CRADD: variants seen among roughly 807,000 people sequenced by gnomAD.
CRADD encodes the protein CARD and death domain containing adaptor protein.
CRADD carries 9 observed loss-of-function variants against 15.5 expected under a neutral mutation model. That is an observed-to-expected ratio of 0.58 (90% CI 0.35 to 1.01). The LOEUF is 1.01. Among genes scored for constraint, CRADD ranks in the 50% least tolerant of loss-of-function variants. The pLI, the probability that CRADD is intolerant of heterozygous loss-of-function variation, is 0.02. For synonymous variants in CRADD, 118 were observed against 107.6 expected, an observed-to-expected ratio of 1.10 and a Z score of -0.60; for missense variants, 227 against 250.3, an observed-to-expected ratio of 0.91 and a Z score of 0.63.
intron 2 of CRADD, among the ~76,000 whole-genome samples, chr12:93,776,717 G>C (rs1957144408): frequency 6.6e-6 from 1 of 152,172 alleles, no homozygotes; most frequent in Non-Finnish European, 1.5e-5. Context: ...ATACAATGGA[G>C]TATTATTCAG....
At chr12:93,851,835 A>G (rs754296352), downstream of CRADD, among the ~76,000 whole-genome samples, 4 of 152,230 alleles carry the variant, frequency 2.6e-5, no homozygotes, top group Non-Finnish European at 4.4e-5. Context: ...ATTTCTCTCC[A>G]TTCCAAGAAT....
intron 2 of CRADD, among the ~76,000 whole-genome samples, chr12:93,758,862 A>C (rs942096796): frequency 6.6e-6 from 1 of 152,204 alleles, no homozygotes; most frequent in Non-Finnish European, 1.5e-5. Context: ...ATTATAAGAA[A>C]CAGAAGTATG....
chr12:93,735,613 A>G (rs1232494431), intron 2 of CRADD: 1 of 152,196 alleles, frequency 6.6e-6, no homozygotes, highest in Non-Finnish European at 1.5e-5. Flanking sequence ...AGAAATAGGA[A>G]AAGTCAGTCG....
intron 2 of CRADD, among the ~76,000 whole-genome samples, chr12:93,681,257 G>A (rs1419284781): frequency 1.3e-5 from 2 of 152,178 alleles, no homozygotes; most frequent in African/African-American, 4.8e-5. Flanking sequence ...AATGATGAGA[G>A]TTACAGAGAA....
chr12:93,853,603 A>G (rs1400858129), downstream of CRADD, among the ~76,000 whole-genome samples: 3 of 152,070 alleles, frequency 2.0e-5, no homozygotes, highest in African/African-American at 4.8e-5. Context: ...CCCTCTATGC[A>G]CTCTTATATC....
intron 2 of CRADD, among the ~76,000 whole-genome samples, chr12:93,743,686 A>G (rs898335010): frequency 6.6e-6 from 1 of 152,142 alleles, no homozygotes; most frequent in Non-Finnish European, 1.5e-5. Flanking sequence ...GACCGTGATG[A>G]GTGTTCTCTT....
At chr12:93,816,681 G>A (rs184237610) in intron 2 of CRADD, among the ~76,000 whole-genome samples, 122 of 152,308 alleles carry the variant, frequency 8.0e-4, no homozygotes, top group Middle Eastern at 3.4e-3. Flanking sequence ...ATATTGGGTA[G>A]TGCGGCTCTA....
intron 2 of CRADD, among the ~76,000 whole-genome samples, chr12:93,802,028 T>G (rs1184273677): frequency 6.6e-6 from 1 of 152,240 alleles, no homozygotes; most frequent in Non-Finnish European, 1.5e-5. Flanking sequence ...ATTATTTCAT[T>G]CCTTTTTATG....
chr12:93,845,181 G>A (rs1958098926), intron 2 of CRADD, among the ~76,000 whole-genome samples: 1 of 152,110 alleles, frequency 6.6e-6, no homozygotes. Context: ...CAGGCCTCAT[G>A]ACTCCTGCCT....
intron 2 of CRADD, among the ~76,000 whole-genome samples, chr12:93,747,102 T>A (rs538518021): frequency 1.3e-5 from 2 of 152,326 alleles, no homozygotes; most frequent in East Asian, 3.9e-4. Flanking sequence ...ACACTTTTTT[T>A]AAAATAAAAA....
At chr12:93,715,632 T>A (rs537659144) in intron 2 of CRADD, among the ~76,000 whole-genome samples, 15 of 152,212 alleles carry the variant, frequency 9.9e-5, no homozygotes, top group East Asian at 7.7e-4. Flanking sequence ...AATAGAAATT[T>A]AAAAAAATTT....
At chr12:93,860,710 A>C (rs989643167) in intron 2 of CRADD, among the ~76,000 whole-genome samples, 2 of 152,210 alleles carry the variant, frequency 1.3e-5, no homozygotes, top group Non-Finnish European at 2.9e-5. Context: ...ATAATTAATC[A>C]GGAGGACATT....
At chr12:93,775,863 A>G (rs570173209) in intron 2 of CRADD, among the ~76,000 whole-genome samples, 157 of 152,300 alleles carry the variant, frequency 1.0e-3, no homozygotes, top group Non-Finnish European at 2.0e-3. Context: ...GATTCACAGT[A>G]GGGTTTCAGA....
intron 2 of CRADD, among the ~76,000 whole-genome samples, chr12:93,712,892 AT>A (rs796733065): frequency 1.3e-3 from 191 of 150,028 alleles, no homozygotes; most frequent in African/African-American, 4.4e-3. Flanking sequence ...AAATGAATTG[AT>A]TTTTTTTTTC....
In CRADD at chr12:93,819,603, AAT is replaced by A. The variant is rs1459222961; in HGVS notation, c.299-30364_299-30363del. Among the ~76,000 whole-genome samples, 3 of 152,254 alleles carry A rather than the reference AAT, an allele frequency of 2.0e-5. No homozygotes were observed. In the East Asian group the frequency reaches 5.8e-4, roughly 29 times the overall value. Reference sequence around the variant, plus strand: ...AAAGAAAATCTAAAAAAAGAAAGTGAATATGATAGCTATCCTTCAGGGCAATT... The same window carrying A: ...AAAGAAAATCTAAAAAAAGAAAGTGAATGATAGCTATCCTTCAGGGCAATT... On this transcript the variant is annotated intron_variant, in intron 2 of 2. Transcript: ENST00000332896.
In CRADD at chr12:93,847,322, A is replaced by G. The variant is rs142397167; in HGVS notation, c.299-2648A>G. Among the ~76,000 whole-genome samples, 487 of 151,548 alleles carry G rather than the reference A, an allele frequency of 3.2e-3. 5 individuals carry two copies. Among genetic ancestry groups the G allele is most frequent in the African/African-American group, 0.011 (471 of 41,436 alleles). ...TTTTAAGGGAAATAACATTATTTAA[A>G]TAATATAATTTAAAATTATGAATAT... On this transcript the variant is annotated intron_variant, in intron 2 of 2. Coordinates refer to ENST00000332896, the MANE Select transcript of CRADD (RefSeq NM_003805.5).
intron 2 of CRADD, among the ~76,000 whole-genome samples, chr12:93,717,960 C>T (rs1956191331): frequency 6.6e-6 from 1 of 152,150 alleles, no homozygotes; most frequent in Non-Finnish European, 1.5e-5. Flanking sequence ...ATTGCTTTTG[C>T]TCCATTGTCA....
intron 2 of CRADD, among the ~76,000 whole-genome samples, chr12:93,840,697 G>C (rs543444704): frequency 1.1e-4 from 16 of 152,184 alleles, no homozygotes; most frequent in African/African-American, 3.9e-4. Context: ...CTCCCGAGTA[G>C]CTGGGATTAC....
chr12:93,876,748 G>A (rs1958460109), intron 2 of CRADD, among the ~76,000 whole-genome samples: 1 of 151,868 alleles, frequency 6.6e-6, no homozygotes, highest in South Asian at 2.1e-4. Flanking sequence ...GAATTTCTTT[G>A]AGTATCCTCA....
Sources: allele counts gnomAD v4.1 joint callset (sites outside exome capture counted in the v4.1 genomes callset), GRCh38; gene constraint gnomAD v4.1.1; transcripts MANE v1.5; gene names NCBI Gene and HGNC (gene_info 2026-07-23, HGNC 2026-07-21).